The following FGD4 variants were observed in gnomAD, a reference collection of about 807,000 sequenced individuals.
FGD4 encodes the protein FYVE, RhoGEF and PH domain containing 4, also known as FYVE, RhoGEF and PH domain-containing protein 4.
FGD4 carries 42 observed loss-of-function variants against 102.0 expected under a neutral mutation model. The ratio of observed to expected loss-of-function variants is 0.41; its 90% CI spans 0.32 to 0.53. FGD4 has a LOEUF of 0.53. FGD4 is among the 20% of genes least tolerant of loss of function. The pLI is 0.21. For synonymous variants in FGD4, 380 were observed against 375.7 expected, an observed-to-expected ratio of 1.01 and a Z score of -0.13; for missense variants, 902 against 1,078.2, an observed-to-expected ratio of 0.84 and a Z score of 2.29.
At chr12:32,555,457 A>G (rs1477889976) in intron 1 of FGD4, among the ~76,000 whole-genome samples, 1 of 152,052 alleles carries the variant, frequency 6.6e-6, no homozygotes, top group Non-Finnish European at 1.5e-5. Flanking sequence ...TAGAGATTTA[A>G]GTGTAGGATA....
intron 1 of FGD4, among the ~76,000 whole-genome samples, chr12:32,464,768 T>C (rs1943206624): frequency 6.6e-6 from 1 of 152,206 alleles, no homozygotes; most frequent in South Asian, 2.1e-4. Flanking sequence ...CATAGTTTCA[T>C]AAATGATAGA....
At chr12:32,499,278 G>A (rs1045081371) in intron 1 of FGD4, among the ~76,000 whole-genome samples, 1 of 152,204 alleles carries the variant, frequency 6.6e-6, no homozygotes, top group Non-Finnish European at 1.5e-5. Context: ...ATTGTTGACT[G>A]TTGGTCACAT....
At position 32,638,735 on chromosome 12, in the gene FGD4, A is replaced by G. The variant is rs756551814; in HGVS notation, c.2394A>G (p.Lys798=). The change falls in exon 16 of 17, where the codon AAA becomes AAG. Residue 798 remains lysine, a synonymous_variant. Transcript: ENST00000534526. ...QYMEKSKPWQ[K]AWCVIPKQDP... ...TGGAGAAGTCAAAACCTTGGCAGAA[A>G]GCTTGGTGTGTGATCCCCAAGCAAG... The G allele has an allele frequency of 6.2e-7, 1 of 1,614,198 alleles. No individual in the cohort carries two copies. Among genetic ancestry groups the G allele is most frequent in the East Asian group, 2.2e-5 (1 of 44,870 alleles).
At chr12:32,415,803 T>C (rs1941390156) in intron 1 of FGD4, among the ~76,000 whole-genome samples, 1 of 152,240 alleles carries the variant, frequency 6.6e-6, no homozygotes, top group African/African-American at 2.4e-5. Flanking sequence ...CATTATATAG[T>C]GACGTTATAT....
intron 5 of FGD4, chr12:32,600,592 CTTT>C (rs1181093585): frequency 2.1e-3 from 412 of 200,390 alleles, no homozygotes; most frequent in South Asian, 4.1e-3. Context: ...TTCTTTCTTT[CTTT>C]TTTTTTTTTT....
chr12:32,637,885 G>A (rs1265045326), intron 15 of FGD4: 1 of 152,046 alleles, frequency 6.6e-6, no homozygotes, highest in Non-Finnish European at 1.5e-5. Flanking sequence ...GGGATCGTGG[G>A]GATTACAATT....
At chr12:32,607,721 G>T (rs1948873554) in intron 7 of FGD4, among the ~76,000 whole-genome samples, 1 of 152,192 alleles carries the variant, frequency 6.6e-6, no homozygotes, top group South Asian at 2.1e-4. Flanking sequence ...TGCCATGTTG[G>T]CCGGGCTGGT....
chr12:32,536,160 G>A (rs1942240764), intron 1 of FGD4, among the ~76,000 whole-genome samples: 1 of 151,692 alleles, frequency 6.6e-6, no homozygotes, highest in Non-Finnish European at 1.5e-5. Context: ...TCACATGAAA[G>A]AAATGAAATA....
At chr12:32,487,606 T>C (rs1459071208) in intron 1 of FGD4, among the ~76,000 whole-genome samples, 1 of 152,196 alleles carries the variant, frequency 6.6e-6, no homozygotes, top group Non-Finnish European at 1.5e-5. Context: ...TTTGTGTTTT[T>C]AGTAGAGACG....
chr12:32,521,690 T>C (rs918074264), intron 1 of FGD4, among the ~76,000 whole-genome samples: 1 of 152,216 alleles, frequency 6.6e-6, no homozygotes. Flanking sequence ...TTAAAAAATA[T>C]TGTTTTCTAG....
intron 7 of FGD4, among the ~76,000 whole-genome samples, chr12:32,606,670 A>G (rs760803182): frequency 2.6e-5 from 4 of 152,018 alleles, no homozygotes; most frequent in Non-Finnish European, 5.9e-5. Flanking sequence ...TCAAATGCAA[A>G]CACCATGTCT....
intron 7 of FGD4, among the ~76,000 whole-genome samples, chr12:32,604,483 T>C (rs542688627): frequency 6.6e-6 from 1 of 152,196 alleles, no homozygotes; most frequent in Non-Finnish European, 1.5e-5. Context: ...TAGTCTTTCT[T>C]CAAGTTCCCT....
At chr12:32,626,799 G>C (rs2136957154) in intron 14 of FGD4, among the ~76,000 whole-genome samples, 1 of 152,250 alleles carries the variant, frequency 6.6e-6, no homozygotes, top group Non-Finnish European at 1.5e-5. Flanking sequence ...TTCTGGTGGT[G>C]AGAAATGAGG....
intron 1 of FGD4, among the ~76,000 whole-genome samples, chr12:32,439,718 G>A (rs1197247830): frequency 6.6e-6 from 1 of 152,062 alleles, no homozygotes; most frequent in Admixed American, 6.6e-5. Context: ...CTTTCTCCAT[G>A]TTTGAGACAT....
intron 1 of FGD4, among the ~76,000 whole-genome samples, chr12:32,409,479 G>T (rs941274797): frequency 1.3e-5 from 2 of 151,912 alleles, no homozygotes; most frequent in African/African-American, 4.8e-5. Context: ...AGTAGAGACG[G>T]GGTTTCACTG....
At chr12:32,552,300 C>T (rs1475478803) in intron 1 of FGD4, among the ~76,000 whole-genome samples, 2 of 152,272 alleles carry the variant, frequency 1.3e-5, no homozygotes, top group Middle Eastern at 3.4e-3. Flanking sequence ...CACACTGTCG[C>T]CCAGGCTGGA....
At chr12:32,418,256 C>T (rs1157893335) in intron 1 of FGD4, among the ~76,000 whole-genome samples, 1 of 152,070 alleles carries the variant, frequency 6.6e-6, no homozygotes, top group African/African-American at 2.4e-5. Context: ...GCGCCTGGCC[C>T]TGGTGCCTTA....
intron 4 of FGD4, among the ~76,000 whole-genome samples, chr12:32,595,996 A>G (rs1421456865): frequency 6.6e-6 from 1 of 152,242 alleles, no homozygotes; most frequent in Non-Finnish European, 1.5e-5. Context: ...AACATAGTGA[A>G]GTATTCATAG....
chr12:32,567,714 G>A (rs1945309983), intron 2 of FGD4, among the ~76,000 whole-genome samples: 1 of 148,094 alleles, frequency 6.8e-6, no homozygotes, highest in Non-Finnish European at 1.5e-5. Flanking sequence ...GAGAGAGAGG[G>A]TTTTATTCTG....
Sources: gnomAD v4.1 joint callset for allele counts (sites outside exome capture counted in the v4.1 genomes callset) on GRCh38, gnomAD v4.1.1 for gene constraint, MANE v1.5 for transcripts, NCBI Gene and HGNC (gene_info 2026-07-23, HGNC 2026-07-21) for gene names.